The following SLC6A5 variants were observed in gnomAD, a reference collection of about 807,000 sequenced individuals.
SLC6A5 encodes sodium- and chloride-dependent glycine transporter 2.
SLC6A5 carries 58 observed loss-of-function variants against 90.5 expected under a neutral mutation model. That is an observed-to-expected ratio of 0.64 (90% CI 0.52 to 0.80). SLC6A5 has a LOEUF of 0.80. Ranked by LOEUF, SLC6A5 falls within the 30% of genes least tolerant of loss-of-function variation. The pLI, the probability that SLC6A5 is intolerant of heterozygous loss-of-function variation, is 0.00. For missense variants in SLC6A5, 1,015 were observed against 1,017.6 expected, an observed-to-expected ratio of 1.00 and a Z score of 0.03; for synonymous variants, 427 against 401.4, an observed-to-expected ratio of 1.06 and a Z score of -0.76.
intron 3 of SLC6A5, among the ~76,000 whole-genome samples, chr11:20,604,789 G>A (rs901179247): frequency 6.6e-6 from 1 of 152,100 alleles, no homozygotes; most frequent in African/African-American, 2.4e-5. Context: ...GCCAGCAGCT[G>A]TGCAGTCCTG....
chr11:20,649,709 C>T (rs1853487080), intron 14 of SLC6A5, among the ~76,000 whole-genome samples: 1 of 152,150 alleles, frequency 6.6e-6, no homozygotes, highest in Admixed American at 6.5e-5. Context: ...TAAATATTCT[C>T]CATGCAATTA....
At chr11:20,648,585 C>T (rs1369287916) in intron 14 of SLC6A5, among the ~76,000 whole-genome samples, 3 of 152,166 alleles carry the variant, frequency 2.0e-5, no homozygotes, top group Admixed American at 1.3e-4. Flanking sequence ...TTTACCTAAT[C>T]GGTGGGAAGA....
intron 5 of SLC6A5, among the ~76,000 whole-genome samples, chr11:20,611,229 T>G (rs1852687256): frequency 6.6e-6 from 1 of 152,032 alleles, no homozygotes; most frequent in African/African-American, 2.4e-5. Flanking sequence ...CCAAGGTGGA[T>G]GGATCACTTG....
chr11:20,653,133 T>C (rs765372431), intron 15 of SLC6A5, among the ~76,000 whole-genome samples: 2 of 152,158 alleles, frequency 1.3e-5, no homozygotes, highest in Non-Finnish European at 2.9e-5. Flanking sequence ...CAGGCTTTTG[T>C]TATTTATGAG....
intron 13 of SLC6A5, 123 bp from the exon 14 acceptor site, chr11:20,646,711 A>G (rs1157281427): frequency 4.1e-6 from 3 of 730,198 alleles, no homozygotes; most frequent in African/African-American, 1.7e-5. Flanking sequence ...GGTCATGTTG[A>G]TACAGGGCTG....
chr11:20,623,068 TAGAG>T (rs1852922221), intron 7 of SLC6A5, among the ~76,000 whole-genome samples: 5 of 152,070 alleles, frequency 3.3e-5, no homozygotes, highest in Admixed American at 2.6e-4. Context: ...TTGGAAGAAA[TAGAG>T]AGGAGCTGGC....
At chr11:20,642,429 T>G (rs1160346596) in intron 13 of SLC6A5, among the ~76,000 whole-genome samples, 2 of 152,130 alleles carry the variant, frequency 1.3e-5, no homozygotes, top group Non-Finnish European at 2.9e-5. Flanking sequence ...TCATATCTGT[T>G]TGAGTCTAAA....
chr11:20,612,496 C>G (rs1291020374), intron 5 of SLC6A5, among the ~76,000 whole-genome samples: 3 of 152,120 alleles, frequency 2.0e-5, no homozygotes, highest in African/African-American at 7.2e-5. Flanking sequence ...AGTCCATGCA[C>G]CAGATCAAGC....
intron 13 of SLC6A5, among the ~76,000 whole-genome samples, chr11:20,643,807 C>T (rs1003277712): frequency 6.6e-6 from 1 of 152,186 alleles, no homozygotes; most frequent in African/African-American, 2.4e-5. Context: ...CTACAACAGT[C>T]CCGAGGCTTG....
intron 14 of SLC6A5, among the ~76,000 whole-genome samples, chr11:20,651,007 T>C (rs1247420131): frequency 6.6e-6 from 1 of 151,802 alleles, no homozygotes; most frequent in Non-Finnish European, 1.5e-5. Context: ...GAGCTGTGCA[T>C]CCCTTCTGTT....
At chr11:20,622,104 A>G (rs1403351918) in intron 7 of SLC6A5, among the ~76,000 whole-genome samples, 2 of 152,200 alleles carry the variant, frequency 1.3e-5, no homozygotes, top group African/African-American at 4.8e-5. Flanking sequence ...TGCCAAGTGT[A>G]ATTCATTACT....
Position 20,645,635 on chromosome 11 carries a change from G to GTTT in SLC6A5, c.1970-1180_1970-1178dup, listed in dbSNP as rs150652189. ...ATGGAGGATGAAGGAATGATGAAGT[G>GTTT]TTTTTTTTTTTTTTTTTTTTTGAGA... On this transcript the variant is annotated intron_variant, in intron 13 of 15. Coordinates refer to ENST00000525748, the MANE Select transcript of SLC6A5 (RefSeq NM_004211.5). 5.4e-4 allele frequency among the ~76,000 whole-genome samples: 51 copies of GTTT among 94,692 alleles called. 1 individual carries two copies. The highest frequency in any genetic ancestry group is 1.5e-3 in the African/African-American group (37 of 24,968). 62.1% of individuals were successfully genotyped at this position (94,692 alleles called of 152,430 possible).
intron 3 of SLC6A5, among the ~76,000 whole-genome samples, chr11:20,604,922 C>A (rs1233677113): frequency 6.6e-6 from 1 of 152,192 alleles, no homozygotes; most frequent in Non-Finnish European, 1.5e-5. Context: ...CCACCCCCGC[C>A]TTCTTCTGCT....
intron 6 of SLC6A5, among the ~76,000 whole-genome samples, chr11:20,616,224 T>C (rs1276464628): frequency 1.3e-5 from 2 of 152,200 alleles, no homozygotes; most frequent in Admixed American, 6.5e-5. Context: ...AGTTACCTAA[T>C]TGATTAAATA....
At chr11:20,603,087 G>A (rs75276597) in intron 2 of SLC6A5, among the ~76,000 whole-genome samples, 1,652 of 152,252 alleles carry the variant, frequency 0.011, 69 homozygotes, top group East Asian at 0.1. Context: ...CTTTCTGATT[G>A]TGCCTTTCTG....
Position 20,614,741 on chromosome 11 carries a change from G to C in SLC6A5, c.1048G>C (p.Ala350Pro). 6.2e-7 allele frequency: 1 copy of C among 1,613,628 alleles called. No individual in the cohort carries two copies. The highest frequency in any genetic ancestry group is 1.7e-5 in the Admixed American group (1 of 60,028). Residue 350 changes from alanine to proline, a missense_variant, in exon 6 of 16, where the codon GCT becomes CCT. By Grantham distance (27) the Ala-to-Pro change is conservative. Coordinates refer to ENST00000525748, the MANE Select transcript of SLC6A5 (RefSeq NM_004211.5). Reference sequence around the variant, plus strand: ...CAAGAACTCGACTTTCTGCATGACCGCTTATCCCAACGTGACAATGGTTAA... The same window carrying C: ...CAAGAACTCGACTTTCTGCATGACCCCTTATCCCAACGTGACAATGGTTAA... ...QIKNSTFCMT[A>P]YPNVTMVNFT...
chr11:20,656,980 G>A lies in SLC6A5; in HGVS notation c.*2112G>A, dbSNP rs1853644831. On this transcript the variant is annotated 3_prime_UTR_variant, in exon 16 of 16. Coordinates refer to ENST00000525748, the MANE Select transcript of SLC6A5 (RefSeq NM_004211.5). ...TACCTGGTAGAGTGAGAGGAGCCAG[G>A]AGGAATAACTTAGGCCTGGAAATTA... 6.6e-6 allele frequency: 1 copy of A among 152,208 alleles called. No individual in the cohort carries two copies. 9.4% of individuals were successfully genotyped at this position (152,208 alleles called of 1,614,324 possible).
rs1157577968 is a variant in SLC6A5 at position 20,657,551 on chromosome 11, A to G, written c.*2683A>G. The G allele has an allele frequency of 6.6e-6, 1 of 152,190 alleles. No individual in the cohort carries two copies. Among genetic ancestry groups the G allele is most frequent in the Non-Finnish European group, 1.5e-5 (1 of 68,038 alleles). The allele number at this position is 152,190 out of a possible 1,614,324, so 9.4% of individuals were successfully genotyped here. A position where few individuals can be genotyped will look rare whatever the true frequency, so the allele number is the denominator to read the frequency against. Reference sequence around the variant, plus strand: ...TCCATGATATTAAAATGTACAGTCAATTGGAAGAAAAAAAATGAAAAAAAT... The same window carrying G: ...TCCATGATATTAAAATGTACAGTCAGTTGGAAGAAAAAAAATGAAAAAAAT... On this transcript the variant is annotated 3_prime_UTR_variant, in exon 16 of 16. Transcript: ENST00000525748.
chr11:20,603,617 C>T (rs534514472), intron 2 of SLC6A5, among the ~76,000 whole-genome samples: 1 of 152,094 alleles, frequency 6.6e-6, no homozygotes, highest in Non-Finnish European at 1.5e-5. Flanking sequence ...TGTTTTCCGT[C>T]TTGTTTCACC....
Sources: gnomAD v4.1 joint callset for allele counts (sites outside exome capture counted in the v4.1 genomes callset) on GRCh38, gnomAD v4.1.1 for gene constraint, MANE v1.5 for transcripts, NCBI Gene and HGNC (gene_info 2026-07-23, HGNC 2026-07-21) for gene names.